EPG5: variants seen among roughly 807,000 people sequenced by gnomAD.
EPG5 encodes ectopic P granules protein 5 homolog.
Under a neutral mutation model 302.7 loss-of-function variants are expected in EPG5, and 159 were observed. That is an observed-to-expected ratio of 0.53 (90% CI 0.46 to 0.60). The LOEUF is 0.60. Among genes scored for constraint, EPG5 ranks in the 20% least tolerant of loss-of-function variants. The probability of loss-of-function intolerance (pLI) is 0.00; values close to 1 mark genes in which losing one functional copy is unlikely to be tolerated. For synonymous variants in EPG5, 1,158 were observed against 1,136.8 expected (o/e 1.02, Z -0.37); for missense variants, 2,896 against 3,092.4 (o/e 0.94, Z 1.51).
chr18:45,899,808 A>C (rs2049565514), intron 26 of EPG5, among the ~76,000 whole-genome samples: 1 of 152,234 alleles, frequency 6.6e-6, no homozygotes, highest in Non-Finnish European at 1.5e-5. Flanking sequence ...TGATAGCCAC[A>C]AACAAAGCTC....
rs182276366 is a variant in EPG5, at chr18:45,877,124, C to T, written c.5943-782G>A. Among the ~76,000 whole-genome samples, 16 of 152,098 alleles carry T rather than the reference C, an allele frequency of 1.1e-4. No individual in the cohort carries two copies. The East Asian group carries it at 2.3e-3, about 22-fold the overall frequency. On this transcript the variant is annotated intron_variant, in intron 34 of 43. Transcript: ENST00000282041. Reference sequence around the variant, plus strand: ...TATGAAAAATTTAATTGGCTGGGCACGGGAGCTCATGCCTGTAATCCCAGC... The same window carrying T: ...TATGAAAAATTTAATTGGCTGGGCATGGGAGCTCATGCCTGTAATCCCAGC...
the EPG5 span, among the ~76,000 whole-genome samples, chr18:45,813,721 C>T: frequency 6.7e-6 from 1 of 149,608 alleles, no homozygotes; most frequent in African/African-American, 2.5e-5. Context: ...ACAATGAGAA[C>T]ACCTGGACAC....
intron 1 of EPG5, among the ~76,000 whole-genome samples, chr18:45,958,204 G>A (rs1047087556): frequency 1.3e-5 from 2 of 152,108 alleles, no homozygotes; most frequent in African/African-American, 4.8e-5. Context: ...TATTTAAATG[G>A]AAAGACAATC....
chr18:45,914,835 C>A (rs1032013528), intron 20 of EPG5, among the ~76,000 whole-genome samples: 5 of 152,284 alleles, frequency 3.3e-5, no homozygotes, highest in East Asian at 1.9e-4. Flanking sequence ...ACCTCAGTTA[C>A]AGCTAGACAC....
intron 3 of EPG5, 113 bp from the exon 4 acceptor site, chr18:45,951,351 T>C (rs973599942): frequency 1.5e-6 from 1 of 686,650 alleles, no homozygotes; most frequent in African/African-American, 1.9e-5. Context: ...TTAGTGCAGA[T>C]AAAAGGAGAA....
chr18:45,814,122 A>G, the EPG5 span, among the ~76,000 whole-genome samples: 1 of 152,188 alleles, frequency 6.6e-6, no homozygotes, highest in Admixed American at 6.5e-5. Context: ...CATCACCTTA[A>G]CCAAATAATC....
In EPG5 at chr18:45,930,383, C is replaced by T. The variant is rs541950644; in HGVS notation, c.2412+293G>A. Reference sequence around the variant, plus strand: ...AAGAGTTTAGTTGAAGGGGTGGGGGCGAGGGAAACATACATCATAAAAACT... The same window carrying T: ...AAGAGTTTAGTTGAAGGGGTGGGGGTGAGGGAAACATACATCATAAAAACT... On this transcript the variant is annotated intron_variant, in intron 12 of 43. Coordinates refer to ENST00000282041, the MANE Select transcript of EPG5 (RefSeq NM_020964.3). Among the ~76,000 whole-genome samples the T allele has an allele frequency of 2.0e-4, 31 of 152,122 alleles. No homozygotes were observed. In the South Asian group the frequency reaches 4.8e-3, roughly 23 times the overall value.
rs553878093 is a variant in EPG5 at position 45,896,336 on chromosome 18, G to A, written c.4809+3068C>T. ...CAAGCTTGTGGAACTTCCCAAGTGG[G>A]ACTAAAAGTCAGGGCACTAAGCAAA... On this transcript the variant is annotated intron_variant, in intron 27 of 43. Coordinates refer to ENST00000282041, the MANE Select transcript of EPG5 (RefSeq NM_020964.3). Among the ~76,000 whole-genome samples, 207 of 152,342 alleles carry A rather than the reference G, an allele frequency of 1.4e-3. 1 individual carries two copies. Among genetic ancestry groups the A allele is most frequent in the Non-Finnish European group, 2.6e-3 (176 of 68,034 alleles).
Position 45,866,961 on chromosome 18 carries a change from C to T in EPG5, c.6458G>A (p.Trp2153Ter). 1.2e-6 allele frequency: 2 copies of T among 1,614,150 alleles called. No individual in the cohort carries two copies. The highest frequency in any genetic ancestry group is 1.7e-6 in the Non-Finnish European group (2 of 1,180,016). ...SLLGQTSSLS[W>*]HLVDIVSYQS... ...GTACGACACAATATCCACAAGATGC[C>T]ATGAAAGTGAGCTTGTCTGTCCAAG... The change falls in exon 38 of 44, where the codon TGG becomes TAG. Residue 2153 changes from tryptophan to a stop codon, truncating the protein, a stop_gained. Coordinates refer to ENST00000282041, the MANE Select transcript of EPG5 (RefSeq NM_020964.3). LOFTEE classifies it high-confidence loss of function.
At chr18:45,845,159 G>T (rs1176940035), downstream of EPG5, among the ~76,000 whole-genome samples, 3 of 152,230 alleles carry the variant, frequency 2.0e-5, no homozygotes, top group Non-Finnish European at 4.4e-5. Flanking sequence ...TGGTGCAGAT[G>T]TGTAACGGTG....
intron 42 of EPG5, among the ~76,000 whole-genome samples, chr18:45,857,489 C>G (rs370811437): frequency 1.3e-5 from 2 of 152,126 alleles, no homozygotes; most frequent in East Asian, 3.8e-4. Context: ...TTTCCCTGAA[C>G]GCCTCAAGTG....
intron 43 of EPG5, 114 bp from the exon 44 acceptor site, chr18:45,852,763 G>A: frequency 1.1e-6 from 1 of 941,234 alleles, no homozygotes; most frequent in Middle Eastern, 2.2e-4. Flanking sequence ...TTGTGGGAAG[G>A]AGGCCTACAG....
Position 45,949,627 on chromosome 18 carries a change from A to G in EPG5, c.1390-36T>C, listed in dbSNP as rs768044933. On this transcript the variant is annotated intron_variant, in intron 4 of 43. Transcript: ENST00000282041. ...AAGGTCATATGATCTCACTATTTTT[A>G]ATAAAAGAAATAATTTATCTAGGGG... The G allele has an allele frequency of 3.6e-6, 5 of 1,372,066 alleles. No homozygotes were observed. The African/African-American group carries it at 7.2e-5, about 20-fold the overall frequency. The allele number at this position is 1,372,066 out of a possible 1,614,324, so 85.0% of individuals were successfully genotyped here.
At chr18:45,936,584 C>T (rs1187326213) in intron 10 of EPG5, among the ~76,000 whole-genome samples, 1 of 151,652 alleles carries the variant, frequency 6.6e-6, no homozygotes, top group East Asian at 1.9e-4. Context: ...AAAAATTAGC[C>T]GGGCACGGTG....
rs369286199 is a variant in EPG5 at position 45,917,698 on chromosome 18, A to G, written c.3220T>C (p.Tyr1074His). Reference protein sequence around the residue: ...ILPLFYPCQYYLLKNEQFLSH... With the variant: ...ILPLFYPCQYHLLKNEQFLSH... ...ACTTACTGCTCATTCTTCAGAAGGT[A>G]ATACTGGCAAGGGTAAAATAAAGGC... The change falls in exon 17 of 44, where the codon TAC (tyrosine) becomes CAC (histidine). Residue 1074 changes from tyrosine to histidine, a missense_variant. Tyr to His is a moderately conservative substitution (Grantham distance 83, BLOSUM62 2). This residue lies in a region of EPG5 where 1,390 missense variants were observed against 1,430.0 expected (regional missense o/e 0.97). Coordinates refer to ENST00000282041, the MANE Select transcript of EPG5 (RefSeq NM_020964.3). 1.4e-5 allele frequency: 22 copies of G among 1,614,016 alleles called. No homozygotes were observed. The highest frequency in any genetic ancestry group is 1.9e-5 in the Non-Finnish European group (22 of 1,179,986).
At chr18:45,888,683 G>A (rs759943677) in intron 28 of EPG5, among the ~76,000 whole-genome samples, 3 of 151,980 alleles carry the variant, frequency 2.0e-5, no homozygotes, top group African/African-American at 7.3e-5. Flanking sequence ...CAAGTGATCC[G>A]CCCACCTTGG....
At position 45,934,911 on chromosome 18, in the gene EPG5, T is replaced by C. The variant is rs1870970527; in HGVS notation, c.2155A>G (p.Met719Val). ...ATGAGGTAGAAGAGCTTCCACAGCA[T>C]TTGCACAGACAGAGTCCCAAAGGGC... ...EMPFGTLSVQ[M>V]LWKLFYLMHQ... The change falls in exon 11 of 44, where the codon ATG becomes GTG. Residue 719 changes from methionine (M) to valine (V), a missense_variant. This residue lies in a region of EPG5 where 1,390 missense variants were observed against 1,430.0 expected (regional missense o/e 0.97). Transcript: ENST00000282041. 6.2e-7 allele frequency: 1 copy of C among 1,614,020 alleles called. No individual in the cohort carries two copies. Among genetic ancestry groups the C allele is most frequent in the Non-Finnish European group, 8.5e-7 (1 of 1,180,042 alleles).
chr18:45,923,165 CTTAGGATA>C, intron 15 of EPG5, 95 bp downstream of exon 15: 1 of 1,265,666 alleles, frequency 7.9e-7, no homozygotes, highest in Non-Finnish European at 1.1e-6. Flanking sequence ...TAGAAATGTT[CTTAGGATA>C]CCTAATGGTC....
At position 45,967,229 on chromosome 18, in the gene EPG5, G is replaced by A. The variant is rs2051287061; in HGVS notation, c.11C>T (p.Ala4Val). MAE[A>V]VKPQRRAKAK... ...CTTGGCCCGGCGCTGGGGCTTCACC[G>A]CCTCGGCCATAGACCCTTCCGCGGC... The change falls in exon 1 of 44, where the codon GCG becomes GTG. Residue 4 changes from alanine to valine, a missense_variant. Transcript: ENST00000282041. The A allele has an allele frequency of 6.2e-7, 1 of 1,602,850 alleles. No homozygotes were observed. Among genetic ancestry groups the A allele is most frequent in the Non-Finnish European group, 8.5e-7 (1 of 1,174,988 alleles).
Sources: gnomAD v4.1 joint callset for allele counts (sites outside exome capture counted in the v4.1 genomes callset) on GRCh38, gnomAD v4.1.1 for gene constraint, gnomAD v4.1.1 regional missense constraint, MANE v1.5 for transcripts, NCBI Gene and HGNC (gene_info 2026-07-23, HGNC 2026-07-21) for gene names.